CRACD: variants seen among roughly 807,000 people sequenced by gnomAD.
CRACD encodes the protein capping protein inhibiting regulator of actin dynamics.
CRACD carries 56 observed loss-of-function variants against 106.8 expected under a neutral mutation model. That is an observed-to-expected ratio of 0.52 (90% CI 0.42 to 0.66). The LOEUF (loss-of-function observed/expected upper bound fraction) is 0.66. Among genes scored for constraint, CRACD ranks in the 30% least tolerant of loss-of-function variants. The pLI is 0.00. For missense variants in CRACD, 1,730 were observed against 1,623.2 expected, an observed-to-expected ratio of 1.07 and a Z score of -1.13; for synonymous variants, 754 against 670.8, an observed-to-expected ratio of 1.12 and a Z score of -1.92.
intron 2 of CRACD, among the ~76,000 whole-genome samples, chr4:56,183,245 TA>T (rs1249275298): frequency 1.9e-5 from 2 of 103,786 alleles, no homozygotes; most frequent in Admixed American, 1.0e-4. Flanking sequence ...AAAAATAAAA[TA>T]AAATAAAATA....
intron 10 of CRACD, among the ~76,000 whole-genome samples, chr4:56,325,224 A>G (rs1746360155): frequency 6.6e-6 from 1 of 152,176 alleles, no homozygotes; most frequent in Admixed American, 6.5e-5. Context: ...AGTCCCACCT[A>G]CTTGGGAGGC....
At position 56,148,901 on chromosome 4, in the gene CRACD, C is replaced by T. The variant is rs112172991; in HGVS notation, c.-335-30383C>T. 9.9e-3 allele frequency among the ~76,000 whole-genome samples: 1,495 copies of T among 151,630 alleles called. 21 individuals are homozygous for T. The highest frequency in any genetic ancestry group is 0.035 in the African/African-American group (1,429 of 41,272). On this transcript the variant is annotated intron_variant, in intron 1 of 10. Transcript: ENST00000682029. ...CGTGATCTCGGCTCGCTGCAACTGC[C>T]GCCTCCCAGGTTCAAGCAATTCTCC...
chr4:56,146,687 A>G (rs1735394980), intron 1 of CRACD, among the ~76,000 whole-genome samples: 1 of 151,692 alleles, frequency 6.6e-6, no homozygotes, highest in Admixed American at 6.6e-5. Flanking sequence ...TGACAATGAT[A>G]TATTTGTTCT....
At chr4:56,248,730 C>A (rs1740858755) in intron 2 of CRACD, among the ~76,000 whole-genome samples, 2 of 118,802 alleles carry the variant, frequency 1.7e-5, no homozygotes, top group Non-Finnish European at 3.4e-5. Context: ...CCCCCCTCCC[C>A]CCACCCCACA....
chr4:56,318,164 A>T (rs140907617), intron 8 of CRACD, among the ~76,000 whole-genome samples: 2 of 151,806 alleles, frequency 1.3e-5, no homozygotes, highest in Non-Finnish European at 2.9e-5. Flanking sequence ...TTTATTGTTT[A>T]TTATTGTTAG....
At chr4:56,157,467 A>G (rs1735801487) in intron 1 of CRACD, among the ~76,000 whole-genome samples, 4 of 152,212 alleles carry the variant, frequency 2.6e-5, no homozygotes. Context: ...GAATGAATGG[A>G]TGAGGGTCTA....
At chr4:56,049,492 C>G (rs967599893) in intron 1 of CRACD, among the ~76,000 whole-genome samples, 193 bp downstream of exon 1, 7 of 152,056 alleles carry the variant, frequency 4.6e-5, no homozygotes, top group African/African-American at 7.2e-5. Flanking sequence ...AGGCGCGGAC[C>G]CTCCCGGAGG....
At position 56,327,824 on chromosome 4, in the gene CRACD, C is replaced by A. The variant is rs376649482; in HGVS notation, c.*20C>A. 6.3e-7 allele frequency: 1 copy of A among 1,599,640 alleles called. No individual in the cohort carries two copies. The highest frequency in any genetic ancestry group is 8.5e-7 in the Non-Finnish European group (1 of 1,170,326). On this transcript the variant is annotated 3_prime_UTR_variant, in exon 11 of 11. Transcript: ENST00000682029. ...AAGTAAAGAGTGACTCTCACCCATC[C>A]CTACTGCCAGTTATTGGCTCCTCTC...
In CRACD at chr4:56,324,100, G is replaced by A. The variant is rs1443942010; in HGVS notation, c.3379-4G>A. The A allele has an allele frequency of 7.5e-6, 12 of 1,604,188 alleles. No homozygotes were observed. In the East Asian group the frequency reaches 1.1e-4, roughly 15 times the overall value. ...GTTTCCCATGACTGTCTCTGCCCAC[G>A]CAGGTCAGTGTCAGCGTGCAGCCTG... On this transcript the variant is annotated splice_region_variant and splice_polypyrimidine_tract_variant and intron_variant, in intron 9 of 10. Coordinates refer to ENST00000682029, the MANE Select transcript of CRACD (RefSeq NM_001393381.1).
chr4:56,076,789 A>G (rs959981472), intron 1 of CRACD, among the ~76,000 whole-genome samples: 1 of 152,180 alleles, frequency 6.6e-6, no homozygotes, highest in Non-Finnish European at 1.5e-5. Flanking sequence ...TTCCTTTGTC[A>G]GACTGGAAGC....
At chr4:56,212,143 A>T (rs1260131346) in intron 2 of CRACD, among the ~76,000 whole-genome samples, 1 of 152,208 alleles carries the variant, frequency 6.6e-6, no homozygotes, top group Non-Finnish European at 1.5e-5. Context: ...TGGCGATGAG[A>T]GTCACTTCTG....
In CRACD at chr4:56,310,048, C is replaced by T. The variant is rs186826229; in HGVS notation, c.286-618C>T. ...AAAAAAAAAAAGAAAAAGAAGATAC[C>T]ACTATAGGAGGCATAGTGGGCCATA... is the stretch of plus-strand genomic sequence containing the variant. On this transcript the variant is annotated intron_variant, in intron 5 of 10. Transcript: ENST00000682029. 3.4e-3 allele frequency among the ~76,000 whole-genome samples: 518 copies of T among 151,654 alleles called. 1 individual carries two copies. The highest frequency in any genetic ancestry group is 6.5e-3 in the Non-Finnish European group (438 of 67,882).
At chr4:56,103,544 C>T (rs751949120) in intron 1 of CRACD, among the ~76,000 whole-genome samples, 11 of 152,120 alleles carry the variant, frequency 7.2e-5, no homozygotes, top group Non-Finnish European at 1.5e-4. Flanking sequence ...AGTTTTCGTT[C>T]CCTCCCTCAA....
chr4:56,119,605 G>A (rs979260771), intron 1 of CRACD, among the ~76,000 whole-genome samples: 1 of 152,016 alleles, frequency 6.6e-6, no homozygotes, highest in Non-Finnish European at 1.5e-5. Context: ...AAAGTACTGG[G>A]ATTACAGCTG....
chr4:56,208,224 C>T (rs1738224925), intron 2 of CRACD, among the ~76,000 whole-genome samples: 1 of 152,090 alleles, frequency 6.6e-6, no homozygotes, highest in African/African-American at 2.4e-5. Flanking sequence ...CTCCAATGGA[C>T]ATACAGTTCC....
intron 2 of CRACD, among the ~76,000 whole-genome samples, chr4:56,266,575 C>T (rs1238684074): frequency 1.3e-5 from 2 of 152,168 alleles, no homozygotes; most frequent in East Asian, 1.9e-4. Context: ...GCAGTTGTTC[C>T]GGAATATTTC....
At chr4:56,186,574 A>T (rs1393044394) in intron 2 of CRACD, among the ~76,000 whole-genome samples, 1 of 152,172 alleles carries the variant, frequency 6.6e-6, no homozygotes, top group East Asian at 1.9e-4. Context: ...CCCTCCCTCC[A>T]TTAACATGCA....
intron 1 of CRACD, among the ~76,000 whole-genome samples, chr4:56,160,007 C>A (rs984118359): frequency 1.3e-5 from 2 of 151,774 alleles, no homozygotes; most frequent in African/African-American, 4.8e-5. Context: ...TCTTGAACTC[C>A]CAACCTCAGG....
At chr4:56,308,569 T>C (rs1323854293) in intron 5 of CRACD, among the ~76,000 whole-genome samples, 1 of 152,126 alleles carries the variant, frequency 6.6e-6, no homozygotes, top group Non-Finnish European at 1.5e-5. Flanking sequence ...AATGGGCATG[T>C]CTCAGAAGAA....
Sources: allele counts gnomAD v4.1 joint callset (sites outside exome capture counted in the v4.1 genomes callset), GRCh38; gene constraint gnomAD v4.1.1; transcripts MANE v1.5; gene names NCBI Gene and HGNC (gene_info 2026-07-23, HGNC 2026-07-21).